Variants in TUSC3 observed in about 807,000 individuals in gnomAD.
TUSC3 encodes tumor suppressor candidate 3.
A neutral mutation model predicts 44.8 loss-of-function variants in TUSC3; 45 were observed. That is an observed-to-expected ratio of 1.00 (90% CI 0.79 to 1.29). The LOEUF is 1.29. Ranked by LOEUF, TUSC3 falls within the 50% of genes most tolerant of loss-of-function variation. The probability of loss-of-function intolerance (pLI) is 0.00; values close to 1 mark genes in which losing one functional copy is unlikely to be tolerated. For synonymous variants in TUSC3, 212 were observed against 152.9 expected (o/e 1.39, Z -2.85); for missense variants, 519 against 437.9 (o/e 1.19, Z -1.65).
intron 2 of TUSC3, among the ~76,000 whole-genome samples, chr8:15,497,464 G>A (rs1451687822): frequency 6.6e-6 from 1 of 152,166 alleles, no homozygotes; most frequent in Non-Finnish European, 1.5e-5. Context: ...AACTAAGGGA[G>A]CTAGTGCCTT....
intron 1 of TUSC3, among the ~76,000 whole-genome samples, chr8:15,596,568 T>A (rs1400170313): frequency 2.0e-5 from 3 of 152,176 alleles, no homozygotes; most frequent in Non-Finnish European, 4.4e-5. Flanking sequence ...ATGACTATAA[T>A]TTTCAGATAC....
intron 1 of TUSC3, among the ~76,000 whole-genome samples, chr8:15,563,179 C>A (rs1802540567): frequency 6.6e-6 from 1 of 152,086 alleles, no homozygotes; most frequent in Non-Finnish European, 1.5e-5. Context: ...TTACCAATGA[C>A]TATAAAATTA....
intron 1 of TUSC3, among the ~76,000 whole-genome samples, chr8:15,452,219 A>G (rs951164373): frequency 6.6e-6 from 1 of 152,190 alleles, no homozygotes; most frequent in Non-Finnish European, 1.5e-5. Context: ...ACAAACAACC[A>G]TATTCTTAAG....
chr8:15,624,006 C>G (rs780153039), intron 2 of TUSC3, among the ~76,000 whole-genome samples: 8 of 152,104 alleles, frequency 5.3e-5, no homozygotes, highest in Non-Finnish European at 1.0e-4. Context: ...CTGGCAATCA[C>G]TAGTCTGTTC....
At chr8:15,833,347 C>G in the TUSC3 span, among the ~76,000 whole-genome samples, 1 of 152,158 alleles carries the variant, frequency 6.6e-6, no homozygotes, top group African/African-American at 2.4e-5. Context: ...GACCAGCAAT[C>G]TCATTACTGG....
intron 1 of TUSC3, among the ~76,000 whole-genome samples, chr8:15,431,758 G>A (rs1799876161): frequency 1.4e-5 from 2 of 138,896 alleles, no homozygotes; most frequent in Admixed American, 2.0e-4. Flanking sequence ...TACAGGAAAT[G>A]ATTTCAGTTT....
chr8:15,505,586 T>C (rs2129127567), intron 2 of TUSC3, among the ~76,000 whole-genome samples: 1 of 152,306 alleles, frequency 6.6e-6, no homozygotes, highest in African/African-American at 2.4e-5. Flanking sequence ...CCCAAGCTTG[T>C]CTGTCCTAAG....
upstream of TUSC3, among the ~76,000 whole-genome samples, chr8:15,539,623 A>C (rs1472531776): frequency 6.6e-6 from 1 of 152,086 alleles, no homozygotes. Context: ...AAGTGCTGGG[A>C]TTACAGGCAT....
intron 1 of TUSC3, among the ~76,000 whole-genome samples, chr8:15,559,678 T>C (rs1021429671): frequency 1.5e-5 from 2 of 135,786 alleles, no homozygotes; most frequent in African/African-American, 5.4e-5. Context: ...TTTATGAATC[T>C]TGGTGCTCCT....
intron 1 of TUSC3, among the ~76,000 whole-genome samples, chr8:15,590,763 C>T (rs958838488): frequency 6.6e-6 from 1 of 152,050 alleles, no homozygotes; most frequent in African/African-American, 2.4e-5. Context: ...CCTCTACCTC[C>T]TGGGCTCAGG....
chr8:15,569,790 T>C (rs1452008328), intron 1 of TUSC3, among the ~76,000 whole-genome samples: 1 of 152,094 alleles, frequency 6.6e-6, no homozygotes, highest in African/African-American at 2.4e-5. Flanking sequence ...TTCTTCCTTG[T>C]CTGTTTGTAT....
Position 15,566,627 on chromosome 8 carries a change from G to GT in TUSC3, c.138+26069dup, listed in dbSNP as rs759088962. Among the ~76,000 whole-genome samples, 69 of 147,972 alleles carry GT rather than the reference G, an allele frequency of 4.7e-4. No individual in the cohort carries two copies. The East Asian group carries it at 5.8e-3, about 12-fold the overall frequency. The stretch of plus-strand genomic sequence containing the variant: ...TTTTTTTGTTGTTGTTGTTGTTGTT[G>GT]TTTTTTTTTTGAGACAGGGTCTTGC... On this transcript the variant is annotated intron_variant, in intron 1 of 10. Transcript: ENST00000503731.
At chr8:15,774,411 A>G in the TUSC3 span, among the ~76,000 whole-genome samples, 1 of 152,166 alleles carries the variant, frequency 6.6e-6, no homozygotes, top group East Asian at 1.9e-4. Context: ...ATGGACAGAT[A>G]CAGGGAGAAA....
chr8:15,637,218 C>T (rs1388295483), intron 2 of TUSC3, among the ~76,000 whole-genome samples: 14 of 150,748 alleles, frequency 9.3e-5, no homozygotes, highest in Admixed American at 9.3e-4. Flanking sequence ...ATTTTAAAAT[C>T]CACCCCATTC....
intron 1 of TUSC3, among the ~76,000 whole-genome samples, chr8:15,457,841 T>TTATC (rs961988502): frequency 1.3e-4 from 19 of 146,256 alleles, no homozygotes; most frequent in African/African-American, 4.5e-4. Flanking sequence ...ATAAATTAGA[T>TTATC]TAATTATCTA....
intron 8 of TUSC3, among the ~76,000 whole-genome samples, chr8:15,746,125 G>A (rs1448542609): frequency 6.6e-6 from 1 of 151,896 alleles, no homozygotes; most frequent in Non-Finnish European, 1.5e-5. Flanking sequence ...TCTGTGTGGA[G>A]GAGATACTGT....
rs143499180 is a variant in TUSC3, at chr8:15,488,441, G to T, written n.189+4958G>T. On this transcript the variant is annotated intron_variant and non_coding_transcript_variant, in intron 2 of 5. Coordinates refer to the TUSC3 transcript ENST00000503191. Reference sequence around the variant, plus strand: ...TGCTTGAGCCCAGGAGGCCAAGGCTGCAGTAAGCCATCATTGCACCACTGC... The same window carrying T: ...TGCTTGAGCCCAGGAGGCCAAGGCTTCAGTAAGCCATCATTGCACCACTGC... Among the ~76,000 whole-genome samples the T allele has an allele frequency of 9.0e-3, 1,370 of 152,240 alleles. 10 individuals carry two copies. The highest frequency in any genetic ancestry group is 0.015 in the Non-Finnish European group (1,042 of 68,006).
Position 15,701,899 on chromosome 8 carries a change from G to A in TUSC3, c.798+28063G>A, listed in dbSNP as rs549698240. 2.6e-5 allele frequency among the ~76,000 whole-genome samples: 4 copies of A among 152,208 alleles called. No homozygotes were observed. In the South Asian group the frequency reaches 6.2e-4, roughly 24 times the overall value. Reference sequence around the variant, plus strand: ...GAGAATTTCTTGAAGCAAACAGTAGGTTATTTTTTTGGTTTACAGTCTTAT... The same window carrying A: ...GAGAATTTCTTGAAGCAAACAGTAGATTATTTTTTTGGTTTACAGTCTTAT... On this transcript the variant is annotated intron_variant, in intron 6 of 10. Transcript: ENST00000503731.
At chr8:15,747,043 A>G (rs1011647409) in intron 8 of TUSC3, among the ~76,000 whole-genome samples, 34 of 152,078 alleles carry the variant, frequency 2.2e-4, no homozygotes, top group African/African-American at 8.0e-4. Context: ...CTTGGATGCT[A>G]TTAAATGTTT....
Sources: allele counts gnomAD v4.1 joint callset (sites outside exome capture counted in the v4.1 genomes callset), GRCh38; gene constraint gnomAD v4.1.1; transcripts MANE v1.5; gene names NCBI Gene and HGNC (gene_info 2026-07-23, HGNC 2026-07-21).